The following PDE4D variants were observed in gnomAD, a reference collection of about 807,000 sequenced individuals.
PDE4D encodes 3',5'-cyclic-AMP phosphodiesterase 4D.
A neutral mutation model predicts 87.4 loss-of-function variants in PDE4D; 24 were observed. That is an observed-to-expected ratio of 0.27 (90% CI 0.20 to 0.39). The LOEUF is 0.39. Among genes scored for constraint, PDE4D ranks in the 10% least tolerant of loss-of-function variants. The probability of loss-of-function intolerance (pLI) is 1.00; values close to 1 mark genes in which losing one functional copy is unlikely to be tolerated. For missense variants in PDE4D, 714 were observed against 1,041.0 expected (o/e 0.69, Z 4.32); for synonymous variants, 384 against 383.2 (o/e 1.00, Z -0.02).
At chr5:59,797,165 A>C (rs1766587401) in intron 1 of PDE4D, 1 of 151,530 alleles carries the variant, frequency 6.6e-6, no homozygotes, top group South Asian at 2.1e-4. Context: ...CAACCAAGTC[A>C]GAAGTTGTGA....
At chr5:59,771,530 G>GAAAGAAAGAAAGAAAGAAAGA (rs1763563099) in intron 1 of PDE4D, among the ~76,000 whole-genome samples, 2 of 146,588 alleles carry the variant, frequency 1.4e-5, no homozygotes, top group South Asian at 4.3e-4. Context: ...AAGAAAGAAA[G>GAAAGAAAGAAAGAAAGAAAGA]AAAGAAAGAA....
intron 1 of PDE4D, among the ~76,000 whole-genome samples, chr5:60,378,393 T>C (rs1761591438): frequency 6.6e-6 from 1 of 152,162 alleles, no homozygotes; most frequent in Admixed American, 6.5e-5. Context: ...TTACCTTCGT[T>C]CAATATCCTC....
Position 59,500,707 on chromosome 5 carries a change from G to A in PDE4D, c.456-284739C>T, listed in dbSNP as rs149143810. Among the ~76,000 whole-genome samples the A allele has an allele frequency of 1.1e-4, 17 of 152,080 alleles. No individual in the cohort carries two copies. The East Asian group carries it at 2.1e-3, about 19-fold the overall frequency. ...TTACAAGCCCAAACCTCAGCTTCAC[G>A]CAATTTACCCATGTAACAAGCCTGC... On this transcript the variant is annotated intron_variant, in intron 1 of 14. Coordinates refer to ENST00000340635, the MANE Select transcript of PDE4D (RefSeq NM_001104631.2).
At chr5:60,058,402 T>C (rs2152885598) in intron 2 of PDE4D, among the ~76,000 whole-genome samples, 1 of 152,082 alleles carries the variant, frequency 6.6e-6, no homozygotes, top group East Asian at 1.9e-4. Flanking sequence ...AAACAACATC[T>C]TCAGAGTTAA....
Position 59,596,371 on chromosome 5 carries a change from T to C in PDE4D, c.455+296797A>G, listed in dbSNP as rs574892363. Among the ~76,000 whole-genome samples, 5 of 150,820 alleles carry C rather than the reference T, an allele frequency of 3.3e-5. No individual in the cohort carries two copies. The East Asian group carries it at 9.8e-4, about 30-fold the overall frequency. The stretch of plus-strand genomic sequence containing the variant: ...AAGAAACACACAAGGAAGACACATA[T>C]ACATGTATTTTTATTTCGGCATCTT... On this transcript the variant is annotated intron_variant, in intron 1 of 14. Coordinates refer to ENST00000340635, the MANE Select transcript of PDE4D (RefSeq NM_001104631.2).
At chr5:59,165,260 C>A (rs925781240) in intron 5 of PDE4D, among the ~76,000 whole-genome samples, 2 of 152,014 alleles carry the variant, frequency 1.3e-5, no homozygotes, top group Non-Finnish European at 2.9e-5. Context: ...ATGCATTTTG[C>A]TTCATTTTTC....
intron 1 of PDE4D, among the ~76,000 whole-genome samples, chr5:59,497,639 A>G (rs984738898): frequency 6.6e-6 from 1 of 152,124 alleles, no homozygotes; most frequent in Non-Finnish European, 1.5e-5. Flanking sequence ...GCAAAAATAA[A>G]GAAAAAAATA....
chr5:59,180,539 T>G (rs1420360365), intron 5 of PDE4D, 56 bp downstream of exon 5: 1 of 1,435,994 alleles, frequency 7.0e-7, no homozygotes, highest in African/African-American at 1.4e-5. Flanking sequence ...TATTGACTCT[T>G]GGCAGAAATG....
intron 1 of PDE4D, chr5:60,429,998 C>T: frequency 3.8e-6 from 2 of 520,634 alleles, no homozygotes; most frequent in Non-Finnish European, 7.7e-6. Flanking sequence ...TCTTTATCTT[C>T]ATTACATTTT....
intron 1 of PDE4D, among the ~76,000 whole-genome samples, chr5:60,222,896 C>G (rs1744656625): frequency 6.6e-6 from 1 of 151,988 alleles, no homozygotes; most frequent in African/African-American, 2.4e-5. Context: ...TCAAAACTTA[C>G]AAATAGAGGT....
chr5:59,926,788 A>G (rs1755338646), intron 3 of PDE4D, among the ~76,000 whole-genome samples: 1 of 152,190 alleles, frequency 6.6e-6, no homozygotes, highest in South Asian at 2.1e-4. Context: ...AAATGAATAA[A>G]TTCCTAGACA....
chr5:59,336,024 A>T (rs978019739), intron 1 of PDE4D, among the ~76,000 whole-genome samples: 2 of 152,242 alleles, frequency 1.3e-5, no homozygotes, highest in African/African-American at 2.4e-5. Context: ...TTGCTGGGAG[A>T]ATAAATTGGC....
chr5:60,036,768 C>CCTAT (rs1767854323), intron 2 of PDE4D, among the ~76,000 whole-genome samples: 1 of 152,126 alleles, frequency 6.6e-6, no homozygotes, highest in Non-Finnish European at 1.5e-5. Context: ...GCCTGGGTTG[C>CCTAT]CTATCTCTGT....
At chr5:59,009,883 A>G (rs1030170302) in intron 6 of PDE4D, among the ~76,000 whole-genome samples, 2 of 152,222 alleles carry the variant, frequency 1.3e-5, no homozygotes, top group African/African-American at 2.4e-5. Context: ...ATGCAAAACA[A>G]AAACCTCAGG....
chr5:60,518,933 C>A (rs1159040897), intron 1 of PDE4D, among the ~76,000 whole-genome samples: 1 of 152,200 alleles, frequency 6.6e-6, no homozygotes, highest in African/African-American at 2.4e-5. Flanking sequence ...ATCCATGCAT[C>A]CACAGTCACT....
At chr5:59,294,830 T>C (rs1267443700) in intron 1 of PDE4D, among the ~76,000 whole-genome samples, 1 of 152,214 alleles carries the variant, frequency 6.6e-6, no homozygotes, top group East Asian at 1.9e-4. Context: ...AAACATTTTC[T>C]GTGTGCCTTT....
chr5:60,430,445 A>G (rs1053746777), intron 1 of PDE4D, among the ~76,000 whole-genome samples: 4 of 151,062 alleles, frequency 2.6e-5, no homozygotes, highest in African/African-American at 9.8e-5. Context: ...TCTGCCTCGC[A>G]TGCCATTCCC....
intron 3 of PDE4D, among the ~76,000 whole-genome samples, chr5:59,981,983 G>A (rs1761976048): frequency 6.6e-6 from 1 of 152,120 alleles, no homozygotes; most frequent in Non-Finnish European, 1.5e-5. Context: ...AGAATCCAAT[G>A]TCTAACTGGC....
chr5:59,483,566 G>A (rs1804614291), intron 1 of PDE4D, among the ~76,000 whole-genome samples: 1 of 152,100 alleles, frequency 6.6e-6, no homozygotes. Flanking sequence ...GCTACCAGCA[G>A]AACTATATCC....
Sources: allele counts gnomAD v4.1 joint callset (sites outside exome capture counted in the v4.1 genomes callset), GRCh38; gene constraint gnomAD v4.1.1; transcripts MANE v1.5; gene names NCBI Gene and HGNC (gene_info 2026-07-23, HGNC 2026-07-21).